Variants in DMD observed in about 807,000 individuals in gnomAD.
The protein encoded by DMD is dystrophin, also known as mutant dystrophin.
DMD carries 63 observed loss-of-function variants against 330.1 expected under a neutral mutation model. The ratio of observed to expected loss-of-function variants is 0.19; its 90% CI spans 0.16 to 0.24. The LOEUF is 0.24. Among genes scored for constraint, DMD ranks in the 10% least tolerant of loss-of-function variants. DMD has a pLI of 1.00. For synonymous variants in DMD, 1,223 were observed against 959.8 expected (o/e 1.27, Z -5.07); for missense variants, 3,344 against 2,684.1 (o/e 1.25, Z -5.43).
intron 1 of DMD, among the ~76,000 whole-genome samples, chrX:33,262,328 T>C (rs2052971668): frequency 9.0e-6 from 1 of 110,623 alleles, no homozygotes; most frequent in Non-Finnish European, 1.9e-5. Flanking sequence ...ACTAAGGACA[T>C]AAAAGATGGA....
intron 55 of DMD, among the ~76,000 whole-genome samples, chrX:31,507,841 A>G (rs967656209): frequency 8.9e-6 from 1 of 112,026 alleles, no homozygotes; most frequent in African/African-American, 3.2e-5. Context: ...TTTCATTACT[A>G]TATGGATCAA....
intron 41 of DMD, among the ~76,000 whole-genome samples, chrX:32,333,138 C>A (rs760904037): frequency 9.0e-6 from 1 of 111,659 alleles, no homozygotes; most frequent in Admixed American, 9.6e-5. Context: ...TTTTAATAGA[C>A]ACTTTCATAC....
intron 1 of DMD, among the ~76,000 whole-genome samples, chrX:33,142,851 G>T (rs899752181): frequency 1.8e-5 from 2 of 111,890 alleles, no homozygotes; most frequent in Non-Finnish European, 3.8e-5. Context: ...TAAAGCATAG[G>T]CTTTTATGTT....
chrX:32,331,049 T>G lies in DMD; in HGVS notation c.5922+11051A>C, dbSNP rs1280925858. Among the ~76,000 whole-genome samples the G allele has an allele frequency of 5.3e-5, 6 of 112,160 alleles. 1 individual carries two copies. The Middle Eastern group carries it at 0.018, about 345-fold the overall frequency. ...CCCTGTCCCCTAATTTTATAGGATC[T>G]TAGGAAACCTGCTTGACAAATTTTC... On this transcript the variant is annotated intron_variant, in intron 41 of 78. Transcript: ENST00000357033.
chrX:32,268,391 G>A (rs1319545675), intron 43 of DMD, among the ~76,000 whole-genome samples: 1 of 111,913 alleles, frequency 8.9e-6, no homozygotes, highest in Non-Finnish European at 1.9e-5. Context: ...TGACTAACAA[G>A]AGTTGAAATA....
At chrX:32,509,245 C>A (rs1468358653) in intron 18 of DMD, among the ~76,000 whole-genome samples, 1 of 107,760 alleles carries the variant, frequency 9.3e-6, no homozygotes, top group African/African-American at 3.4e-5. Flanking sequence ...ATCGCCATTT[C>A]TCCTGGGATC....
At chrX:32,623,263 G>C (rs1569328980) in intron 11 of DMD, among the ~76,000 whole-genome samples, 1 of 111,729 alleles carries the variant, frequency 9.0e-6, no homozygotes, top group East Asian at 2.8e-4. Context: ...TAGCAAGGAA[G>C]TGAGTAGTGG....
intron 76 of DMD, among the ~76,000 whole-genome samples, chrX:31,145,224 C>T (rs984327318): frequency 4.5e-5 from 5 of 111,959 alleles, no homozygotes; most frequent in Non-Finnish European, 9.4e-5. Context: ...CTCAAAATTA[C>T]CCAATGCATT....
chrX:31,650,746 T>C (rs751796194), intron 54 of DMD, among the ~76,000 whole-genome samples: 1 of 112,229 alleles, frequency 8.9e-6, no homozygotes, highest in South Asian at 3.7e-4. Flanking sequence ...CATTTGTTTT[T>C]ACTTTCAGAA....
chrX:31,792,918 G>T (rs955323155), intron 50 of DMD, among the ~76,000 whole-genome samples: 33 of 111,641 alleles, frequency 3.0e-4, no homozygotes, highest in Admixed American at 1.9e-4. Flanking sequence ...TCACACTTGT[G>T]GCTCCTGAGC....
At chrX:31,255,024 G>A (rs2049787591) in intron 63 of DMD, among the ~76,000 whole-genome samples, 2 of 97,713 alleles carry the variant, frequency 2.0e-5, no homozygotes, top group African/African-American at 7.7e-5. Context: ...CAGTCTATGT[G>A]ACAGAGCAAG....
chrX:32,510,090 A>G (rs1310269645), intron 18 of DMD, among the ~76,000 whole-genome samples: 2 of 112,033 alleles, frequency 1.8e-5, no homozygotes, highest in African/African-American at 6.5e-5. Flanking sequence ...TATTATCAAC[A>G]CAGCAGACAG....
chrX:31,954,577 T>C (rs1227390630), intron 45 of DMD, among the ~76,000 whole-genome samples: 6 of 111,347 alleles, frequency 5.4e-5, no homozygotes, highest in Non-Finnish European at 1.1e-4. Flanking sequence ...TGAAATCCTG[T>C]CATTTGCAGC....
At position 31,202,523 on chromosome X, in the gene DMD, G is replaced by A. The variant is rs776874331; in HGVS notation, c.9807+1438C>T. On this transcript the variant is annotated intron_variant, in intron 67 of 78. Coordinates refer to ENST00000357033, the MANE Select transcript of DMD (RefSeq NM_004006.3). ...AAATGAACTTATTATGTGTGCATCC[G>A]GTAAATCTATCCAACTAACTATTAA... 5.3e-4 allele frequency among the ~76,000 whole-genome samples: 42 copies of A among 79,831 alleles called. 1 individual carries two copies. The South Asian group carries it at 0.027, about 51-fold the overall frequency. 69.3% of individuals were successfully genotyped at this position (79,831 alleles called of 115,157 possible). A position where few individuals can be genotyped will look rare whatever the true frequency, so the allele number is the denominator to read the frequency against.
chrX:33,121,646 C>T (rs1368973193), intron 1 of DMD, among the ~76,000 whole-genome samples: 1 of 111,881 alleles, frequency 8.9e-6, no homozygotes, highest in Non-Finnish European at 1.9e-5. Flanking sequence ...GCATGTGCTA[C>T]GTATGGCCTT....
At chrX:32,627,107 G>A (rs1272183710) in intron 11 of DMD, among the ~76,000 whole-genome samples, 6 of 99,361 alleles carry the variant, frequency 6.0e-5, no homozygotes, top group South Asian at 4.3e-4. Flanking sequence ...CAGGTAATTC[G>A]AATGAACATC....
chrX:33,012,872 C>T (rs1244347941), intron 2 of DMD, among the ~76,000 whole-genome samples: 1 of 111,057 alleles, frequency 9.0e-6, no homozygotes, highest in South Asian at 3.8e-4. Context: ...CCTAACCACA[C>T]AAGTTGAGGG....
At chrX:32,538,007 G>A (rs1402907215) in intron 17 of DMD, among the ~76,000 whole-genome samples, 2 of 112,319 alleles carry the variant, frequency 1.8e-5, no homozygotes, top group East Asian at 5.7e-4. Flanking sequence ...ACATCACACA[G>A]GTAACGAACA....
At position 32,760,237 on chromosome X, in the gene DMD, T is replaced by C. The variant is rs190885182; in HGVS notation, c.649+49256A>G. ...AAACATTACTGTAACACAGGACTTC[T>C]TTTTACACTACCTTCTATTAAAAAG... On this transcript the variant is annotated intron_variant, in intron 7 of 78. Transcript: ENST00000357033. 7.1e-5 allele frequency among the ~76,000 whole-genome samples: 8 copies of C among 112,032 alleles called. No individual in the cohort carries two copies. In the East Asian group the frequency reaches 2.3e-3, roughly 32 times the overall value.
Sources: gnomAD v4.1 joint callset for allele counts (sites outside exome capture counted in the v4.1 genomes callset) on GRCh38, gnomAD v4.1.1 for gene constraint, MANE v1.5 for transcripts, NCBI Gene and HGNC (gene_info 2026-07-23, HGNC 2026-07-21) for gene names.